The following COL22A1 variants were observed in gnomAD, a reference collection of about 807,000 sequenced individuals.
COL22A1 encodes collagen type XXII alpha 1 chain, also known as collagen alpha-1(XXII) chain.
Under a neutral mutation model 248.9 loss-of-function variants are expected in COL22A1, and 221 were observed. The observed-to-expected ratio is 0.89, with a 90% confidence interval of 0.80 to 0.99. The LOEUF (loss-of-function observed/expected upper bound fraction) is 0.99. Ranked by LOEUF, COL22A1 falls within the 50% of genes least tolerant of loss-of-function variation. The pLI, the probability that COL22A1 is intolerant of heterozygous loss-of-function variation, is 0.00. For missense variants in COL22A1, 2,240 were observed against 2,179.0 expected (o/e 1.03, Z -0.56); for synonymous variants, 891 against 793.4 (o/e 1.12, Z -2.07).
chr8:138,643,973 G>T (rs1035965709), intron 47 of COL22A1, among the ~76,000 whole-genome samples: 1 of 152,060 alleles, frequency 6.6e-6, no homozygotes, highest in African/African-American at 2.4e-5. Context: ...GTAGAGATGG[G>T]GTTCCACCAT....
Position 138,604,743 on chromosome 8 carries a change from T to G in COL22A1, c.4131A>C (p.Pro1377=), listed in dbSNP as rs776731919. The change falls in exon 59 of 65, where the codon CCA becomes CCC. Residue 1377 remains proline, a synonymous_variant. Coordinates refer to ENST00000303045, the MANE Select transcript of COL22A1 (RefSeq NM_152888.3). ...PPGEPGEKGV[P]GKEGVPGKPG... ...GGCGTGTGATACTTGCCTCCTTGCC[T>G]GGGACTCCTTTCTCTCCTGGTTCTC... The G allele has an allele frequency of 1.4e-5, 22 of 1,612,812 alleles. No individual in the cohort carries two copies. In the East Asian group the frequency reaches 4.2e-4, roughly 31 times the overall value.
chr8:138,670,445 T>C (rs1345016130), intron 41 of COL22A1, among the ~76,000 whole-genome samples: 1 of 152,110 alleles, frequency 6.6e-6, no homozygotes, highest in Non-Finnish European at 1.5e-5. Context: ...GGGGTAACCA[T>C]GGACAAATGC....
chr8:138,700,780 T>C (rs936472701), intron 31 of COL22A1, among the ~76,000 whole-genome samples: 8 of 152,064 alleles, frequency 5.3e-5, no homozygotes, highest in South Asian at 2.1e-4. Flanking sequence ...GTCAGGAGAT[T>C]GAGACCGCCC....
At chr8:138,687,011 C>G (rs981765756) in intron 37 of COL22A1, among the ~76,000 whole-genome samples, 2 of 152,160 alleles carry the variant, frequency 1.3e-5, no homozygotes, top group African/African-American at 4.8e-5. Flanking sequence ...GACTGGAGTG[C>G]AGTGATGTGA....
intron 37 of COL22A1, among the ~76,000 whole-genome samples, 169 bp from the exon 38 acceptor site, chr8:138,685,481 G>T (rs140815911): frequency 1.3e-5 from 2 of 152,164 alleles, no homozygotes; most frequent in Admixed American, 1.3e-4. Flanking sequence ...GTGTGTTATA[G>T]GTTACATTGT....
chr8:138,691,265 G>C (rs1455480789), intron 35 of COL22A1, among the ~76,000 whole-genome samples: 1 of 152,248 alleles, frequency 6.6e-6, no homozygotes, highest in African/African-American at 2.4e-5. Context: ...GAACAGTTCA[G>C]ATCTCAGTTG....
At chr8:138,721,413 T>C (rs926360351) in intron 26 of COL22A1, among the ~76,000 whole-genome samples, 12 of 152,244 alleles carry the variant, frequency 7.9e-5, no homozygotes, top group African/African-American at 2.9e-4. Context: ...ATTTAAAGTA[T>C]TGAAACCTGT....
At chr8:138,623,259 TTTATG>T (rs1819961056) in intron 52 of COL22A1, among the ~76,000 whole-genome samples, 1 of 64,244 alleles carries the variant, frequency 1.6e-5, no homozygotes, top group Non-Finnish European at 3.1e-5. Flanking sequence ...TATATATATA[TTTATG>T]TGTGTGTGTG....
At chr8:138,857,718 A>G (rs559476631) in intron 3 of COL22A1, among the ~76,000 whole-genome samples, 2 of 152,268 alleles carry the variant, frequency 1.3e-5, no homozygotes, top group East Asian at 3.9e-4. Context: ...GATAACACGG[A>G]CTCAGCTTCA....
intron 30 of COL22A1, among the ~76,000 whole-genome samples, chr8:138,714,708 G>T (rs1829297356): frequency 6.6e-6 from 1 of 152,132 alleles, no homozygotes; most frequent in Non-Finnish European, 1.5e-5. Flanking sequence ...CATGGTGTCT[G>T]CCTGGAAGAC....
At chr8:138,847,836 C>T (rs1821357070) in intron 3 of COL22A1, among the ~76,000 whole-genome samples, 1 of 151,674 alleles carries the variant, frequency 6.6e-6, no homozygotes, top group Non-Finnish European at 1.5e-5. Flanking sequence ...TTTAAGCCAC[C>T]ATATATGGGT....
intron 63 of COL22A1, among the ~76,000 whole-genome samples, chr8:138,593,408 G>T (rs1222403648): frequency 1.3e-5 from 2 of 151,264 alleles, no homozygotes; most frequent in Non-Finnish European, 2.9e-5. Context: ...AAAACCTTTT[G>T]TTAAAAAAAA....
Position 138,707,600 on chromosome 8 carries a change from A to C in COL22A1, c.2518-4253T>G, listed in dbSNP as rs568830905. 3.9e-5 allele frequency among the ~76,000 whole-genome samples: 6 copies of C among 152,342 alleles called. No homozygotes were observed. The South Asian group carries it at 1.2e-3, about 32-fold the overall frequency. On this transcript the variant is annotated intron_variant, in intron 30 of 64. Coordinates refer to ENST00000303045, the MANE Select transcript of COL22A1 (RefSeq NM_152888.3). The stretch of plus-strand genomic sequence containing the variant: ...AAAATTCAACAACGCTTCATGCTAA[A>C]ACTCTCAATATATTAGGTATTGATG...
rs138310793 is a variant in COL22A1, at chr8:138,594,163, G to A, written c.4469C>T (p.Ala1490Val). ...TCTGCCTTGAGATGACTTCATGTAC[G>A]CCGGGGGCATCTGGGCCAGGAGGTA... is the stretch of plus-strand genomic sequence containing the variant. ...LAYLLAQMPP[A>V]YMKSSQGRPG... Residue 1490 changes from alanine (A) to valine (V), a missense_variant, in exon 63 of 65, where the codon GCG becomes GTG. Transcript: ENST00000303045. 9.3e-4 allele frequency: 1,460 copies of A among 1,572,544 alleles called. 4 individuals carry two copies. The highest frequency in any genetic ancestry group is 3.1e-3 in the South Asian group (266 of 85,294).
At chr8:138,634,941 C>T (rs904270171) in intron 49 of COL22A1, 69 bp downstream of exon 49, 3 of 1,021,850 alleles carry the variant, frequency 2.9e-6, no homozygotes, top group African/African-American at 1.5e-5. Context: ...TCATACCATG[C>T]CTGGTGAGTT....
intron 3 of COL22A1, among the ~76,000 whole-genome samples, chr8:138,852,227 G>A (rs1215475891): frequency 6.6e-5 from 10 of 152,092 alleles, no homozygotes; most frequent in Non-Finnish European, 1.2e-4. Context: ...GGGAGGGCCC[G>A]GCTGTGACAG....
chr8:138,740,390 T>C (rs1222003704), intron 22 of COL22A1, among the ~76,000 whole-genome samples: 1 of 152,126 alleles, frequency 6.6e-6, no homozygotes, highest in East Asian at 1.9e-4. Context: ...GCCGTTGTGG[T>C]CGGGGGATGA....
At chr8:138,879,581 A>T (rs1048359333) in intron 2 of COL22A1, among the ~76,000 whole-genome samples, 1 of 150,986 alleles carries the variant, frequency 6.6e-6, no homozygotes, top group Non-Finnish European at 1.5e-5. Context: ...AATCCCAGCT[A>T]CTCAGGAGGC....
At position 138,755,503 on chromosome 8, in the gene COL22A1, T is replaced by C. The variant is rs866342139; in HGVS notation, c.1956A>G (p.Gln652=). The part of the protein sequence containing the change: ...PPGVPGSVVQ[Q]EGLKGEQGAP... ...TTACCTGTTCCCCTTTCAAGCCCTC[T>C]TGCTGCACCTGAGAGACAAAGCAAG... Residue 652 remains glutamine (Q), a synonymous_variant, in exon 20 of 65, where the codon CAA becomes CAG. Transcript: ENST00000303045. The C allele has an allele frequency of 1.2e-6, 2 of 1,614,120 alleles. No homozygotes were observed. Among genetic ancestry groups the C allele is most frequent in the South Asian group, 1.1e-5 (1 of 91,080 alleles).
Sources: allele counts gnomAD v4.1 joint callset (sites outside exome capture counted in the v4.1 genomes callset), GRCh38; gene constraint gnomAD v4.1.1; transcripts MANE v1.5; gene names NCBI Gene and HGNC (gene_info 2026-07-23, HGNC 2026-07-21).